Variants in COL4A3 observed in about 807,000 individuals in gnomAD.
COL4A3 encodes collagen alpha-3(IV) chain.
Under a neutral mutation model 217.4 loss-of-function variants are expected in COL4A3, and 135 were observed. That is an observed-to-expected ratio of 0.62 (90% CI 0.54 to 0.72). The LOEUF is 0.72. Ranked by LOEUF, COL4A3 falls within the 30% of genes least tolerant of loss-of-function variation. COL4A3 has a pLI of 0.00. For synonymous variants in COL4A3, 690 were observed against 736.3 expected, an observed-to-expected ratio of 0.94 and a Z score of 1.02; for missense variants, 1,868 against 2,119.9, an observed-to-expected ratio of 0.88 and a Z score of 2.33.
intron 1 of COL4A3, among the ~76,000 whole-genome samples, chr2:227,220,118 G>A (rs2067703085): frequency 7.2e-6 from 1 of 139,624 alleles, no homozygotes; most frequent in Non-Finnish European, 1.5e-5. Context: ...AGAGCTTCTT[G>A]TTTAATAAGG....
rs2106174926 is a variant in COL4A3, at chr2:227,284,265, G to C, written c.2801G>C (p.Gly934Ala). Residue 934 changes from glycine (G) to alanine (A), a missense_variant, in exon 34 of 52, where the codon GGG (glycine) becomes GCG (alanine). Physicochemically the swap from Gly to Ala is moderately conservative, Grantham distance 60. Around this residue, in one of 2 missense-constraint regions of COL4A3, gnomAD observed 1,503 missense variants for 1,786.1 expected, o/e 0.84. Coordinates refer to ENST00000396578, the MANE Select transcript of COL4A3 (RefSeq NM_000091.5). ...KGQRGTPGAK[G>A]EQGDKGNPGP... The stretch of plus-strand genomic sequence containing the variant: ...CAGAGAGGAACCCCAGGAGCCAAGG[G>C]GGAACAAGGAGATAAAGGAAATCCC... The C allele has an allele frequency of 1.2e-6, 2 of 1,614,102 alleles. No individual in the cohort carries two copies. The highest frequency in any genetic ancestry group is 1.7e-6 in the Non-Finnish European group (2 of 1,180,000).
chr2:227,192,610 G>A (rs2066288715), intron 1 of COL4A3, among the ~76,000 whole-genome samples: 1 of 152,182 alleles, frequency 6.6e-6, no homozygotes, highest in Non-Finnish European at 1.5e-5. Context: ...TGTGCCCCAA[G>A]TCCTCAATCT....
Position 227,312,631 on chromosome 2 carries a change from G to A in COL4A3, c.*761G>A, listed in dbSNP as rs1360764750. On this transcript the variant is annotated 3_prime_UTR_variant, in exon 52 of 52. Coordinates refer to ENST00000396578, the MANE Select transcript of COL4A3 (RefSeq NM_000091.5). ...TAAAATTTTCCCCCTTAGTGAATTA[G>A]TTTTAAAATGATATTGTTATATACA... 1 of 152,510 alleles carries A rather than the reference G, an allele frequency of 6.6e-6. No individual in the cohort carries two copies. The highest frequency in any genetic ancestry group is 1.5e-5 in the Non-Finnish European group (1 of 68,014). 9.4% of individuals were successfully genotyped at this position (152,510 alleles called of 1,614,324 possible).
chr2:227,235,147 G>A (rs1436750370), intron 1 of COL4A3, among the ~76,000 whole-genome samples: 2 of 110,618 alleles, frequency 1.8e-5, no homozygotes, highest in East Asian at 2.5e-4. Context: ...AGGGGGCACT[G>A]AGGACTTGCA....
At chr2:227,285,897 T>A (rs2072292202) in intron 34 of COL4A3, among the ~76,000 whole-genome samples, 1 of 152,186 alleles carries the variant, frequency 6.6e-6, no homozygotes, top group African/African-American at 2.4e-5. Flanking sequence ...AAATAACCTG[T>A]ATCTAGGCCT....
At chr2:227,278,296 G>A (rs1192791804) in intron 28 of COL4A3, among the ~76,000 whole-genome samples, 1 of 152,118 alleles carries the variant, frequency 6.6e-6, no homozygotes, top group Non-Finnish European at 1.5e-5. Flanking sequence ...AATGACATAA[G>A]CCTGCCCACT....
At chr2:227,259,660 C>T (rs2070418051) in intron 18 of COL4A3, 133 bp from the exon 19 acceptor site, 2 of 705,652 alleles carry the variant, frequency 2.8e-6, no homozygotes, top group Non-Finnish European at 5.1e-6. Context: ...TACCTGCTAA[C>T]ATGTAAACCT....
chr2:227,263,666 C>G, intron 20 of COL4A3, 114 bp from the exon 21 acceptor site: 1 of 1,071,650 alleles, frequency 9.3e-7, no homozygotes, highest in Non-Finnish European at 1.4e-6. Context: ...GTGTTATGTA[C>G]CTCTCCATTG....
Position 227,250,718 on chromosome 2 carries a change from T to C in COL4A3, c.547-422T>C, listed in dbSNP as rs916048851. On this transcript the variant is annotated intron_variant, in intron 9 of 51. Coordinates refer to ENST00000396578, the MANE Select transcript of COL4A3 (RefSeq NM_000091.5). The surrounding 1 kb of genome is among the most constrained non-coding windows in gnomAD (Gnocchi z 4.1). ...GAAGGCTTTATGGAAAGGATGACAA[T>C]TGCATAAAGACAAGAAAAGGAAAAG... is the stretch of plus-strand genomic sequence containing the variant. Among the ~76,000 whole-genome samples the C allele has an allele frequency of 5.3e-5, 8 of 152,042 alleles. No homozygotes were observed. The highest frequency in any genetic ancestry group is 1.7e-4 in the African/African-American group (7 of 41,398).
chr2:227,296,754 T>C (rs1224525702), intron 41 of COL4A3, among the ~76,000 whole-genome samples: 1 of 152,200 alleles, frequency 6.6e-6, no homozygotes, highest in East Asian at 1.9e-4. Context: ...AGGATGTGAA[T>C]AGACATAGGG....
At chr2:227,173,895 C>A (rs917176463) in intron 1 of COL4A3, among the ~76,000 whole-genome samples, 4 of 152,166 alleles carry the variant, frequency 2.6e-5, no homozygotes, top group Non-Finnish European at 5.9e-5. Flanking sequence ...TTTCAAGCAT[C>A]TATAGCCATA....
At position 227,273,091 on chromosome 2, in the gene COL4A3, G is replaced by A; in HGVS notation, c.1901G>A (p.Gly634Glu). The A allele has an allele frequency of 6.2e-7, 1 of 1,613,956 alleles. No homozygotes were observed. The highest frequency in any genetic ancestry group is 1.1e-5 in the South Asian group (1 of 91,078). Residue 634 changes from glycine to glutamate, a missense_variant, in exon 26 of 52, where the codon GGA (glycine) becomes GAA (glutamate). By Grantham distance (98) the Gly-to-Glu change is moderately conservative. Coordinates refer to ENST00000396578, the MANE Select transcript of COL4A3 (RefSeq NM_000091.5). ...CTCCAGGGCACGCAAGGAGTTCCTG[G>A]AGCCCCCGGACCACCCGGAGAAGCC... ...PGLQGTQGVP[G>E]APGPPGEAGP...
In COL4A3 at chr2:227,277,433, T is replaced by C; in HGVS notation, c.2021-16T>C. The C allele has an allele frequency of 6.7e-7, 1 of 1,501,590 alleles. No homozygotes were observed. Among genetic ancestry groups the C allele is most frequent in the East Asian group, 2.3e-5 (1 of 44,286 alleles). The allele number at this position is 1,501,590 out of a possible 1,614,324, so 93.0% of individuals were successfully genotyped here. ...AGTTGCTGATGTGGAGATGCATATG[T>C]GTATTTGTTTCTAAGGTATCCCTGG... On this transcript the variant is annotated splice_polypyrimidine_tract_variant and intron_variant, in intron 27 of 51. Transcript: ENST00000396578.
At chr2:227,242,378 A>G (rs1208873208) in intron 3 of COL4A3, among the ~76,000 whole-genome samples, 4 of 152,168 alleles carry the variant, frequency 2.6e-5, no homozygotes, top group Admixed American at 1.3e-4. Context: ...GTTAAGGTGC[A>G]TTACCGTCCT....
intron 1 of COL4A3, among the ~76,000 whole-genome samples, chr2:227,194,992 A>G (rs1409010453): frequency 6.6e-6 from 1 of 152,188 alleles, no homozygotes; most frequent in Non-Finnish European, 1.5e-5. Flanking sequence ...GAGATAGATA[A>G]TCTAAATAAA....
At chr2:227,226,998 G>A (rs541158815) in intron 1 of COL4A3, among the ~76,000 whole-genome samples, 1 of 152,204 alleles carries the variant, frequency 6.6e-6, no homozygotes, top group African/African-American at 2.4e-5. Flanking sequence ...TATGGACATT[G>A]AGATTTAAAG....
rs201419174 is a variant in COL4A3 at position 227,277,543 on chromosome 2, T to A, written c.2115T>A (p.Pro705=). Residue 705 remains proline (P), a synonymous_variant, in exon 28 of 52, where the codon CCT becomes CCA. Coordinates refer to ENST00000396578, the MANE Select transcript of COL4A3 (RefSeq NM_000091.5). ...GIPGIGFPGP[P]GPKGDQGFPG... ...CAGGAATTGGATTTCCTGGGCCTCCTGGACCTAAGGGTAAATTTAAAATTT... is the reference window on the plus strand; with the variant it reads ...CAGGAATTGGATTTCCTGGGCCTCCAGGACCTAAGGGTAAATTTAAAATTT... The A allele has an allele frequency of 3.9e-5, 62 of 1,607,042 alleles. No individual in the cohort carries two copies. The Middle Eastern group carries it at 5.0e-4, about 13-fold the overall frequency.
chr2:227,305,113 G>T, intron 47 of COL4A3, 30 bp downstream of exon 47: 1 of 1,592,572 alleles, frequency 6.3e-7, no homozygotes, highest in East Asian at 2.2e-5. Flanking sequence ...CCTCACCGAA[G>T]AAGTGCTATT....
chr2:227,231,912 AT>A (rs35294317), intron 1 of COL4A3, among the ~76,000 whole-genome samples: 48,746 of 151,574 alleles, frequency 0.32, 8,272 homozygotes, highest in Non-Finnish European at 0.36. Context: ...ATTCATTCTA[AT>A]TTTTTTTTGT....
Sources: allele counts gnomAD v4.1 joint callset (sites outside exome capture counted in the v4.1 genomes callset), GRCh38; gene constraint gnomAD v4.1.1; regional missense constraint gnomAD v4.1.1; non-coding constraint Gnocchi (gnomAD v3.1); transcripts MANE v1.5; gene names NCBI Gene and HGNC (gene_info 2026-07-23, HGNC 2026-07-21).